The following TMEM38A variants were observed in gnomAD, a reference collection of about 807,000 sequenced individuals.
The protein encoded by TMEM38A is trimeric intracellular cation channel type A.
Under a neutral mutation model 28.6 loss-of-function variants are expected in TMEM38A, and 17 were observed. The observed-to-expected ratio is 0.60, with a 90% CI of 0.41 to 0.89. The LOEUF is 0.89. TMEM38A is among the 40% of genes least tolerant of loss of function. The probability of loss-of-function intolerance (pLI) is 0.00; values close to 1 mark genes in which losing one functional copy is unlikely to be tolerated. For missense variants in TMEM38A, 328 were observed against 393.1 expected, an observed-to-expected ratio of 0.83 and a Z score of 1.40; for synonymous variants, 169 against 166.1, an observed-to-expected ratio of 1.02 and a Z score of -0.14.
chr19:16,670,642 G>C (rs923405450), intron 1 of TMEM38A, among the ~76,000 whole-genome samples: 1 of 151,892 alleles, frequency 6.6e-6, no homozygotes, highest in Non-Finnish European at 1.5e-5. Flanking sequence ...GATGAGCATC[G>C]AAAGTCCCAT....
Position 16,688,252 on chromosome 19 carries a change from A to G in TMEM38A, c.781A>G (p.Asn261Asp), listed in dbSNP as rs778940587. Residue 261 changes from asparagine to aspartate, a missense_variant, in exon 6 of 6, where the codon AAC becomes GAC. Transcript: ENST00000187762. ...CTGCGGGGGTGACCATCACCACGAC[A>G]ACCATGGTGGGTCCCACAGCGGTGG... is the stretch of plus-strand genomic sequence containing the variant. ...SACGGDHHHD[N>D]HGGSHSGGGP... is the part of the protein sequence containing the mutation. 1.9e-6 allele frequency: 3 copies of G among 1,601,704 alleles called. No homozygotes were observed. Among genetic ancestry groups the G allele is most frequent in the Admixed American group, 1.7e-5 (1 of 58,556 alleles).
At chr19:16,685,265 A>G (rs2086797301) in intron 4 of TMEM38A, among the ~76,000 whole-genome samples, 2 of 151,910 alleles carry the variant, frequency 1.3e-5, no homozygotes, top group Non-Finnish European at 1.5e-5. Context: ...GGGCATCTGT[A>G]ATCCCAGCTA....
At chr19:16,687,498 G>T (rs1463635060) in intron 5 of TMEM38A, among the ~76,000 whole-genome samples, 1 of 152,158 alleles carries the variant, frequency 6.6e-6, no homozygotes, top group Admixed American at 6.6e-5. Context: ...TCCAGTTTGG[G>T]CAACAGAGTG....
chr19:16,682,391 G>A, intron 3 of TMEM38A, 30 bp from the exon 4 acceptor site: 1 of 1,597,314 alleles, frequency 6.3e-7, no homozygotes, highest in South Asian at 1.1e-5. Context: ...TGGGGGTGGT[G>A]GGCTTGTTCA....
chr19:16,678,126 C>T (rs1461723013), intron 1 of TMEM38A, among the ~76,000 whole-genome samples: 4 of 152,020 alleles, frequency 2.6e-5, no homozygotes, highest in African/African-American at 4.8e-5. Flanking sequence ...GAATATAATG[C>T]CATAGAACCA....
At position 16,680,369 on chromosome 19, in the gene TMEM38A, C is replaced by G. The variant is rs116153174; in HGVS notation, c.282-28C>G. On this transcript the variant is annotated intron_variant, in intron 2 of 5. Coordinates refer to ENST00000187762, the MANE Select transcript of TMEM38A (RefSeq NM_024074.4). Reference sequence around the variant, plus strand: ...CCATCCTTCACAGTCTGCCCATCCCCTGGCACTCACTGTTCTCTCCCCAAA... The same window carrying G: ...CCATCCTTCACAGTCTGCCCATCCCGTGGCACTCACTGTTCTCTCCCCAAA... The G allele has an allele frequency of 1.9e-3, 3,053 of 1,612,416 alleles. 45 individuals carry two copies. The African/African-American group carries it at 0.035, about 19-fold the overall frequency.
intron 1 of TMEM38A, among the ~76,000 whole-genome samples, chr19:16,668,112 G>T (rs2086711202): frequency 6.6e-6 from 1 of 151,992 alleles, no homozygotes; most frequent in African/African-American, 2.4e-5. Flanking sequence ...GGTAGGTCGA[G>T]GTGGGAGAAT....
At chr19:16,679,892 C>G in intron 1 of TMEM38A, 92 bp from the exon 2 acceptor site, 1 of 1,394,866 alleles carries the variant, frequency 7.2e-7, no homozygotes, top group Non-Finnish European at 9.5e-7. Flanking sequence ...TGGGTGGGCG[C>G]TCTGGATTAG....
chr19:16,689,765 G>C lies in TMEM38A; in HGVS notation c.*1394G>C, dbSNP rs1440972619. On this transcript the variant is annotated 3_prime_UTR_variant, in exon 6 of 6. Transcript: ENST00000187762. The stretch of plus-strand genomic sequence containing the variant: ...CGAGGTGGATGATATTATAGCTGAA[G>C]GGTCCCTCCTGGTCACCCTCATCTC... 6.6e-6 allele frequency: 1 copy of C among 152,312 alleles called. No homozygotes were observed. Among genetic ancestry groups the C allele is most frequent in the African/African-American group, 2.4e-5 (1 of 41,444 alleles). 9.4% of individuals were successfully genotyped at this position (152,312 alleles called of 1,614,324 possible).
At position 16,688,345 on chromosome 19, in the gene TMEM38A, A is replaced by G; in HGVS notation, c.874A>G (p.Lys292Glu). 1 of 1,600,126 alleles carries G rather than the reference A, an allele frequency of 6.2e-7. No homozygotes were observed. The highest frequency in any genetic ancestry group is 8.5e-7 in the Non-Finnish European group (1 of 1,174,276). Residue 292 changes from lysine (K) to glutamate (E), a missense_variant, in exon 6 of 6, where the codon AAG becomes GAG. Lys to Glu is a moderately conservative substitution (Grantham distance 56). Transcript: ENST00000187762. The stretch of plus-strand genomic sequence containing the variant: ...GGAGGAGTTGAGCGAGGGCTCCAGG[A>G]AGAAGAAGGCCAAGAAGGCGGATTA... ...SKEELSEGSR[K>E]KKAKKAD
chr19:16,670,612 C>T (rs2086723086), intron 1 of TMEM38A, among the ~76,000 whole-genome samples: 1 of 152,144 alleles, frequency 6.6e-6, no homozygotes, highest in Admixed American at 6.6e-5. Flanking sequence ...GGTGTGGTCA[C>T]CTTGTCCAGG....
intron 5 of TMEM38A, 22 bp downstream of exon 5, chr19:16,686,427 G>C (rs1195131188): frequency 5.0e-6 from 8 of 1,601,160 alleles, no homozygotes; most frequent in Non-Finnish European, 6.8e-6. Context: ...TCTTCTTGCA[G>C]CATTCTTGCC....
At chr19:16,680,217 G>A in intron 2 of TMEM38A, 77 bp downstream of exon 2, 1 of 1,562,882 alleles carries the variant, frequency 6.4e-7, no homozygotes, top group South Asian at 1.2e-5. Flanking sequence ...GAGAGAGGTT[G>A]GAGGAATTAG....
chr19:16,671,201 C>CTTTTTTTTTTTTTTTTTT lies in TMEM38A; in HGVS notation c.125-8778_125-8761dup, dbSNP rs34550977. Among the ~76,000 whole-genome samples, 73 of 84,852 alleles carry CTTTTTTTTTTTTTTTTTT rather than the reference C, an allele frequency of 8.6e-4. 7 individuals carry two copies. Among genetic ancestry groups the CTTTTTTTTTTTTTTTTTT allele is most frequent in the Middle Eastern group, 8.2e-3 (1 of 122 alleles). The allele number at this position is 84,852 out of a possible 152,430, so 55.7% of individuals were successfully genotyped here. ...GTATGGAAAGGGGAAAGGACCTGGG[C>CTTTTTTTTTTTTTTTTTT]TTTTTTTTTTTTTTTTTTTTTTGAG... is the stretch of plus-strand genomic sequence containing the variant. On this transcript the variant is annotated intron_variant, in intron 1 of 5. Coordinates refer to ENST00000187762, the MANE Select transcript of TMEM38A (RefSeq NM_024074.4).
rs202235187 is a variant in TMEM38A at position 16,672,670 on chromosome 19, G to A, written c.125-7314G>A. Among the ~76,000 whole-genome samples the A allele has an allele frequency of 2.0e-4, 31 of 151,848 alleles. No homozygotes were observed. In the East Asian group the frequency reaches 5.4e-3, roughly 26 times the overall value. ...TCACCATGTTGGCTAGGCTGGTCTC[G>A]AACTCCTGACCTCAAGTGATCCACC... On this transcript the variant is annotated intron_variant, in intron 1 of 5. Transcript: ENST00000187762.
chr19:16,670,465 C>G (rs1383340449), intron 1 of TMEM38A, among the ~76,000 whole-genome samples: 1 of 150,920 alleles, frequency 6.6e-6, no homozygotes. Flanking sequence ...TTTAAAAAAT[C>G]CATCTACTGA....
intron 3 of TMEM38A, among the ~76,000 whole-genome samples, chr19:16,681,835 A>G (rs771438972): frequency 1.3e-5 from 2 of 152,180 alleles, no homozygotes; most frequent in Non-Finnish European, 2.9e-5. Context: ...CCAGTAGTAC[A>G]TCTCAGGCAC....
chr19:16,661,874 C>A lies in TMEM38A; in HGVS notation c.124+533C>A, dbSNP rs1040264206. 6.6e-5 allele frequency among the ~76,000 whole-genome samples: 10 copies of A among 152,088 alleles called. No homozygotes were observed. Among genetic ancestry groups the A allele is most frequent in the African/African-American group, 2.4e-4 (10 of 41,410 alleles). On this transcript the variant is annotated intron_variant, in intron 1 of 5. Transcript: ENST00000187762. The surrounding 1 kb of genome is among the most constrained non-coding windows in gnomAD (Gnocchi z 6.5). The stretch of plus-strand genomic sequence containing the variant: ...CACCCTCCACTCCCCTCCCTTCCCC[C>A]ACGGTGCTGAATCTCCGAGCCCCCA...
At chr19:16,664,054 G>A (rs2086693492) in intron 1 of TMEM38A, among the ~76,000 whole-genome samples, 1 of 152,154 alleles carries the variant, frequency 6.6e-6, no homozygotes, top group Admixed American at 6.6e-5. Context: ...GCAGCCTCGG[G>A]ACTCAGCCCA....
Sources: gnomAD v4.1 joint callset for allele counts (sites outside exome capture counted in the v4.1 genomes callset) on GRCh38, gnomAD v4.1.1 for gene constraint, Gnocchi (gnomAD v3.1) non-coding constraint, MANE v1.5 for transcripts, NCBI Gene and HGNC (gene_info 2026-07-23, HGNC 2026-07-21) for gene names.